MRAP: variants seen among roughly 807,000 people sequenced by gnomAD.
MRAP encodes melanocortin 2 receptor accessory protein, also known as melanocortin-2 receptor accessory protein.
In MRAP, 8 loss-of-function variants were observed where a neutral mutation model predicts 8.7. The observed-to-expected ratio is 0.92, with a 90% CI of 0.54 to 1.66. MRAP has a LOEUF of 1.66. MRAP is among the 40% of genes most tolerant of loss of function. MRAP has a pLI of 0.00. For synonymous variants in MRAP, 95 were observed against 95.5 expected (o/e 1.00, Z 0.03); for missense variants, 237 against 217.1 (o/e 1.09, Z -0.58).
chr21:32,306,478 T>C, intron 1 of MRAP, 162 bp from the exon 2 acceptor site: 1 of 693,454 alleles, frequency 1.4e-6, no homozygotes, highest in Non-Finnish European at 2.6e-6. Flanking sequence ...TTCCCAAAGT[T>C]ATTGTTAATG....
rs542118454 is a variant in MRAP, at chr21:32,305,897, C to T, written c.107-743C>T. Among the ~76,000 whole-genome samples, 6 of 152,272 alleles carry T rather than the reference C, an allele frequency of 3.9e-5. No homozygotes were observed. In the South Asian group the frequency reaches 8.3e-4, roughly 21 times the overall value. Reference sequence around the variant, plus strand: ...GCCTGGAGAAGGAAAAAGGCCCCTCCTGGCCAGCCAGGTTCTACCCAGGGC... The same window carrying T: ...GCCTGGAGAAGGAAAAAGGCCCCTCTTGGCCAGCCAGGTTCTACCCAGGGC... On this transcript the variant is annotated intron_variant, in intron 1 of 2. Coordinates refer to ENST00000303645, the MANE Select transcript of MRAP (RefSeq NM_001379228.1).
rs1387614066 is a variant in MRAP at position 32,300,774 on chromosome 21, GCCT to G, written c.106+1701_106+1703del. ...GTGCGTCCTATGTCAGGGGCGTCAT[GCCT>G]CCTATGTCGGATGTGTCATGCATCC... On this transcript the variant is annotated intron_variant, in intron 1 of 2. Transcript: ENST00000303645. 3.1e-4 allele frequency among the ~76,000 whole-genome samples: 45 copies of G among 145,914 alleles called. 1 individual carries two copies. The highest frequency in any genetic ancestry group is 1.7e-3 in the East Asian group (8 of 4,768).
At position 32,306,271 on chromosome 21, in the gene MRAP, A is replaced by T. The variant is rs113631792; in HGVS notation, c.107-369A>T. ...GGCCCAGGAGTCCTTCCTAACACAC[A>T]GAGCTGCCCACAGCCCTCTCCTCTC... On this transcript the variant is annotated intron_variant, in intron 1 of 2. Coordinates refer to ENST00000303645, the MANE Select transcript of MRAP (RefSeq NM_001379228.1). Among the ~76,000 whole-genome samples, 1,358 of 151,826 alleles carry T rather than the reference A, an allele frequency of 8.9e-3. 18 individuals carry two copies. The highest frequency in any genetic ancestry group is 0.03 in the African/African-American group (1,244 of 41,408).
chr21:32,297,837 T>C (rs2032168319), upstream of MRAP, among the ~76,000 whole-genome samples: 1 of 152,186 alleles, frequency 6.6e-6, no homozygotes, highest in African/African-American at 2.4e-5. Flanking sequence ...CCTCCCCTTC[T>C]GGTCAACTGA....
At chr21:32,292,495 C>T (rs1337980245) in intron 1 of MRAP, among the ~76,000 whole-genome samples, 2 of 152,118 alleles carry the variant, frequency 1.3e-5, no homozygotes, top group Non-Finnish European at 2.9e-5. Context: ...CTTGCTCTGT[C>T]GTCCAGGTTG....
intron 1 of MRAP, among the ~76,000 whole-genome samples, chr21:32,301,103 TATATC>T (rs781155824): frequency 2.7e-5 from 4 of 146,096 alleles, no homozygotes; most frequent in East Asian, 3.9e-4. Context: ...TATGATATCA[TATATC>T]ATATGATATA....
At chr21:32,312,624 A>C (rs1460250565), downstream of MRAP, 1 of 159,538 alleles carries the variant, frequency 6.3e-6, no homozygotes, top group Non-Finnish European at 1.4e-5. Flanking sequence ...GCTGTCACAG[A>C]ACACAAAGAG....
chr21:32,300,846 C>T (rs7279998), intron 1 of MRAP, among the ~76,000 whole-genome samples: 114,348 of 146,122 alleles, frequency 0.78, 44,838 homozygotes, highest in Middle Eastern at 0.86. Flanking sequence ...ATGTCATGCG[C>T]CCTATGTCAG....
chr21:32,305,358 G>A (rs1381945855), intron 1 of MRAP, among the ~76,000 whole-genome samples: 4 of 152,124 alleles, frequency 2.6e-5, no homozygotes, highest in African/African-American at 9.7e-5. Flanking sequence ...TCTCTCAGGG[G>A]TCGTAGATGG....
downstream of MRAP, chr21:32,312,504 A>C: frequency 4.7e-6 from 1 of 211,202 alleles, no homozygotes; most frequent in Non-Finnish European, 9.3e-6. Flanking sequence ...TGCACCTTCA[A>C]CCTCCCCACA....
At position 32,310,596 on chromosome 21, in the gene MRAP, C is replaced by T. The variant is rs190364621; in HGVS notation, c.207-1088C>T. ...TCACTCCAGATGGCCATGTCCACTG[C>T]CCCAGCACTTCCCGGGCAGGAGAAT... On this transcript the variant is annotated intron_variant, in intron 2 of 2. Coordinates refer to ENST00000303645, the MANE Select transcript of MRAP (RefSeq NM_001379228.1). Among the ~76,000 whole-genome samples the T allele has an allele frequency of 3.0e-3, 459 of 152,274 alleles. 6 individuals carry two copies. Among genetic ancestry groups the T allele is most frequent in the Non-Finnish European group, 2.9e-3 (194 of 68,022 alleles).
chr21:32,306,581 C>CA, intron 1 of MRAP, 59 bp from the exon 2 acceptor site: 2 of 1,440,072 alleles, frequency 1.4e-6, no homozygotes, highest in Non-Finnish European at 2.0e-6. Flanking sequence ...CTTACTGCCC[C>CA]TCAGCGTTGC....
At chr21:32,296,211 A>C (rs2032136352), upstream of MRAP, among the ~76,000 whole-genome samples, 1 of 152,028 alleles carries the variant, frequency 6.6e-6, no homozygotes, top group South Asian at 2.1e-4. Context: ...ATTAGAACCC[A>C]TTGTCATGGC....
chr21:32,299,587 T>G (rs2032211261), intron 1 of MRAP, among the ~76,000 whole-genome samples: 2 of 152,182 alleles, frequency 1.3e-5, no homozygotes. Flanking sequence ...AATCTCGGCT[T>G]CCCAAAGTGC....
chr21:32,313,860 C>T (rs2123532792), downstream of MRAP: 1 of 152,262 alleles, frequency 6.6e-6, no homozygotes, highest in Admixed American at 6.5e-5. Context: ...AATATATGAC[C>T]ATTAAGAGTA....
intron 2 of MRAP, chr21:32,311,471 G>C: frequency 1.9e-6 from 1 of 520,682 alleles, no homozygotes; most frequent in Non-Finnish European, 3.3e-6. Context: ...AAGACCTGAG[G>C]CCTAGTTCCT....
intron 2 of MRAP, among the ~76,000 whole-genome samples, chr21:32,309,414 A>G (rs1417890732): frequency 6.6e-6 from 1 of 151,584 alleles, no homozygotes; most frequent in Non-Finnish European, 1.5e-5. Context: ...CTTTGGTCAC[A>G]TATGGAAGGT....
chr21:32,297,719 GC>G (rs1045491999), upstream of MRAP, among the ~76,000 whole-genome samples: 12 of 152,324 alleles, frequency 7.9e-5, no homozygotes, highest in African/African-American at 2.4e-4. Context: ...GTATGGAAAA[GC>G]CCACAAGTCT....
At chr21:32,305,102 G>T (rs528699899) in intron 1 of MRAP, among the ~76,000 whole-genome samples, 6 of 151,404 alleles carry the variant, frequency 4.0e-5, no homozygotes, top group Admixed American at 6.6e-5. Context: ...CCTCATGAAG[G>T]GGTAGGACTA....
Sources: allele counts gnomAD v4.1 joint callset (sites outside exome capture counted in the v4.1 genomes callset), GRCh38; gene constraint gnomAD v4.1.1; transcripts MANE v1.5; gene names NCBI Gene and HGNC (gene_info 2026-07-23, HGNC 2026-07-21).